Variants in POPDC1 observed in about 807,000 individuals in gnomAD.
POPDC1 encodes popeye domain cAMP effector 1.
the POPDC1 span, among the ~76,000 whole-genome samples, chr6:105,107,251 G>GA: frequency 6.6e-6 from 1 of 152,176 alleles, no homozygotes; most frequent in South Asian, 2.1e-4. Flanking sequence ...TTAACATAAT[G>GA]AGAGGAGGCC....
At chr6:105,124,782 A>G in the POPDC1 span, 1,580 of 688,138 alleles carry the variant, frequency 2.3e-3, 38 homozygotes, top group East Asian at 0.038. Flanking sequence ...GAGATGATGG[A>G]CATAACTAAA....
At chr6:105,097,209 G>A in the POPDC1 span, 8,921 of 152,144 alleles carry the variant, frequency 0.059, 452 homozygotes, top group African/African-American at 0.14. Flanking sequence ...TCAGCCTCGA[G>A]CTCCCCGCAC....
chr6:105,108,776 C>T, the POPDC1 span, among the ~76,000 whole-genome samples: 40 of 152,276 alleles, frequency 2.6e-4, no homozygotes, highest in South Asian at 2.7e-3. Flanking sequence ...CTTGGTTCTA[C>T]GTAAAGCACA....
chr6:105,118,225 G>C, the POPDC1 span, among the ~76,000 whole-genome samples: 1 of 152,182 alleles, frequency 6.6e-6, no homozygotes, highest in Non-Finnish European at 1.5e-5. Context: ...CAGAGGACAA[G>C]GGGATATGTA....
At chr6:105,118,598 ATAAT>A in the POPDC1 span, among the ~76,000 whole-genome samples, 1,187 of 152,292 alleles carry the variant, frequency 7.8e-3, 13 homozygotes, top group African/African-American at 0.027. Flanking sequence ...GAGAAGGATG[ATAAT>A]TAATAAAGAA....
At chr6:105,126,070 C>T in the POPDC1 span, among the ~76,000 whole-genome samples, 2 of 151,752 alleles carry the variant, frequency 1.3e-5, no homozygotes, top group Admixed American at 6.6e-5. Flanking sequence ...ACTAAAAGTA[C>T]AAGAAATTAG....
the POPDC1 span, among the ~76,000 whole-genome samples, chr6:105,132,458 C>T: frequency 6.6e-6 from 1 of 152,200 alleles, no homozygotes; most frequent in Non-Finnish European, 1.5e-5. Context: ...CTATCACCTT[C>T]TCCGTGTCCC....
At chr6:105,115,533 G>A in the POPDC1 span, among the ~76,000 whole-genome samples, 10 of 152,346 alleles carry the variant, frequency 6.6e-5, no homozygotes, top group African/African-American at 2.2e-4. Flanking sequence ...TGGGGGAAAT[G>A]CTAAACAAAA....
the POPDC1 span, among the ~76,000 whole-genome samples, chr6:105,129,746 A>G: frequency 6.6e-5 from 10 of 152,200 alleles, no homozygotes; most frequent in Non-Finnish European, 1.2e-4. Flanking sequence ...GATAGTGGGG[A>G]TAAGTTGGAC....
chr6:105,129,496 G>T, the POPDC1 span: 37 of 1,605,858 alleles, frequency 2.3e-5, no homozygotes, highest in East Asian at 7.8e-4. Context: ...CGATATAAAG[G>T]GTACATCCTG....
At chr6:105,104,512 C>T in the POPDC1 span, among the ~76,000 whole-genome samples, 1 of 152,090 alleles carries the variant, frequency 6.6e-6, no homozygotes, top group African/African-American at 2.4e-5. Context: ...AGAAAGGATC[C>T]TGAGGATGAG....
chr6:105,130,498 G>A, the POPDC1 span, among the ~76,000 whole-genome samples: 1 of 152,038 alleles, frequency 6.6e-6, no homozygotes, highest in Admixed American at 6.6e-5. Context: ...TTTCCAAAAG[G>A]TTTGTACAAA....
At chr6:105,124,635 C>T in the POPDC1 span, 1 of 1,608,040 alleles carries the variant, frequency 6.2e-7, no homozygotes, top group South Asian at 1.1e-5. Context: ...CAGAAAATGT[C>T]CTCGATAGGA....
the POPDC1 span, among the ~76,000 whole-genome samples, chr6:105,127,847 G>A: frequency 6.6e-6 from 1 of 151,554 alleles, no homozygotes; most frequent in Non-Finnish European, 1.5e-5. Flanking sequence ...TGCAACCTCC[G>A]CCTCCTGGGT....
chr6:105,117,290 G>A, the POPDC1 span, among the ~76,000 whole-genome samples: 1 of 152,168 alleles, frequency 6.6e-6, no homozygotes, highest in Non-Finnish European at 1.5e-5. Context: ...GGCAAGTTGT[G>A]AAAGACCTTC....
the POPDC1 span, among the ~76,000 whole-genome samples, chr6:105,128,042 G>A: frequency 1.4e-4 from 21 of 152,376 alleles, no homozygotes; most frequent in African/African-American, 4.8e-4. Flanking sequence ...TTACAGGCGT[G>A]AGCCACTGCA....
At chr6:105,120,026 G>A in the POPDC1 span, among the ~76,000 whole-genome samples, 2 of 1,276 alleles carry the variant, frequency 1.6e-3, 1 homozygote, top group African/African-American at 2.0e-3. Flanking sequence ...TTGGGAGGCC[G>A]AGGCGGGCGG....
At chr6:105,108,541 G>GA in the POPDC1 span, among the ~76,000 whole-genome samples, 3 of 152,198 alleles carry the variant, frequency 2.0e-5, no homozygotes, top group African/African-American at 7.2e-5. Flanking sequence ...GAAGAAGCCT[G>GA]AAGATCCCAG....
At chr6:105,124,927 A>T in the POPDC1 span, among the ~76,000 whole-genome samples, 1 of 152,146 alleles carries the variant, frequency 6.6e-6, no homozygotes, top group Admixed American at 6.5e-5. Flanking sequence ...ATAATCTGTA[A>T]CTCTAACTGG....
Sources: gnomAD v4.1 joint callset for allele counts (sites outside exome capture counted in the v4.1 genomes callset) on GRCh38, gnomAD v4.1.1 for gene constraint, MANE v1.5 for transcripts, NCBI Gene and HGNC (gene_info 2026-07-23, HGNC 2026-07-21) for gene names.